RAPGEF1: variants seen among roughly 807,000 people sequenced by gnomAD.
RAPGEF1 encodes the protein CRK SH3-binding GNRP.
RAPGEF1 carries 33 observed loss-of-function variants against 143.3 expected under a neutral mutation model. That is an observed-to-expected ratio of 0.23 (90% CI 0.17 to 0.31). The LOEUF is 0.31. Among genes scored for constraint, RAPGEF1 ranks in the 10% least tolerant of loss-of-function variants. The pLI, the probability that RAPGEF1 is intolerant of heterozygous loss-of-function variation, is 1.00. For synonymous variants in RAPGEF1, 629 were observed against 676.5 expected (o/e 0.93, Z 1.09); for missense variants, 1,199 against 1,645.4 (o/e 0.73, Z 4.69).
At chr9:131,730,193 CAAAAAAAAAAA>C (rs57402366) in intron 1 of RAPGEF1, among the ~76,000 whole-genome samples, 1 of 67,000 alleles carries the variant, frequency 1.5e-5, no homozygotes, top group Non-Finnish European at 2.6e-5. Flanking sequence ...GACTCCCTCT[CAAAAAAAAAAA>C]AAAAAAAAAA....
chr9:131,674,354 A>T (rs1410601616), intron 1 of RAPGEF1, among the ~76,000 whole-genome samples: 1 of 152,210 alleles, frequency 6.6e-6, no homozygotes, highest in Non-Finnish European at 1.5e-5. Context: ...CAGTCTGAAA[A>T]TGCTGAAATA....
intron 3 of RAPGEF1, among the ~76,000 whole-genome samples, chr9:131,649,604 G>A (rs937867767): frequency 6.6e-6 from 1 of 152,116 alleles, no homozygotes; most frequent in East Asian, 1.9e-4. Context: ...ATGAAGACAA[G>A]TAAGAGGACA....
At chr9:131,615,096 G>C (rs1473388298) in intron 12 of RAPGEF1, among the ~76,000 whole-genome samples, 1 of 152,028 alleles carries the variant, frequency 6.6e-6, no homozygotes, top group Non-Finnish European at 1.5e-5. Flanking sequence ...TTTTTGAGAC[G>C]GAGTCTTGCT....
chr9:131,619,017 G>A (rs1170159797), intron 12 of RAPGEF1, 34 bp downstream of exon 12: 10 of 1,344,448 alleles, frequency 7.4e-6, no homozygotes, highest in African/African-American at 1.5e-5. Flanking sequence ...CTGTTCACGC[G>A]TTTCCAAGTA....
intron 1 of RAPGEF1, among the ~76,000 whole-genome samples, chr9:131,686,527 A>C (rs897876166): frequency 5.3e-5 from 8 of 152,316 alleles, no homozygotes; most frequent in African/African-American, 1.9e-4. Flanking sequence ...TTGGCCTGAA[A>C]TCAACACAAA....
chr9:131,585,373 G>A (rs913087625), intron 22 of RAPGEF1, among the ~76,000 whole-genome samples: 26 of 151,922 alleles, frequency 1.7e-4, no homozygotes, highest in Admixed American at 8.5e-4. Flanking sequence ...GGGGGGGGGC[G>A]TCTCTCTATG....
chr9:131,589,847 C>T (rs1400780262), intron 19 of RAPGEF1, 39 bp downstream of exon 19: 1 of 1,571,920 alleles, frequency 6.4e-7, no homozygotes, highest in South Asian at 1.1e-5. Flanking sequence ...GCCTTTGCCT[C>T]CCCACTGGCC....
intron 24 of RAPGEF1, 53 bp from the exon 25 acceptor site, chr9:131,582,755 A>T: frequency 1.4e-6 from 2 of 1,447,956 alleles, no homozygotes; most frequent in Non-Finnish European, 1.9e-6. Flanking sequence ...GTGCTGGGGC[A>T]ATGCTGGGGC....
chr9:131,672,044 T>C (rs891814663), intron 1 of RAPGEF1, among the ~76,000 whole-genome samples: 33 of 152,296 alleles, frequency 2.2e-4, no homozygotes, highest in Middle Eastern at 3.4e-3. Context: ...TAGGTGCTGC[T>C]GTAGGTTAGG....
chr9:131,709,591 C>G (rs777130499), intron 1 of RAPGEF1: 1 of 1,609,544 alleles, frequency 6.2e-7, no homozygotes, highest in Non-Finnish European at 8.5e-7. Context: ...CTTGCTTCTT[C>G]CTGGAAAGGA....
intron 1 of RAPGEF1, among the ~76,000 whole-genome samples, chr9:131,670,080 A>G (rs1831117638): frequency 6.6e-6 from 1 of 152,216 alleles, no homozygotes; most frequent in Non-Finnish European, 1.5e-5. Flanking sequence ...CACTGTCTTC[A>G]TGCCACAGAC....
At position 131,628,164 on chromosome 9, in the gene RAPGEF1, G is replaced by C; in HGVS notation, c.1018-68C>G. The C allele has an allele frequency of 7.4e-7, 1 of 1,354,210 alleles. No homozygotes were observed. The highest frequency in any genetic ancestry group is 1.5e-5 in the African/African-American group (1 of 68,046). 83.9% of individuals were successfully genotyped at this position (1,354,210 alleles called of 1,614,324 possible). A position where few individuals can be genotyped will look rare whatever the true frequency, so the allele number is the denominator to read the frequency against. On this transcript the variant is annotated intron_variant, in intron 8 of 26. Coordinates refer to ENST00000683357, the MANE Select transcript of RAPGEF1 (RefSeq NM_001377935.1). This position sits in a 1 kb window ranked among gnomAD's most constrained non-coding sequence, Gnocchi z 5.7. ...AACGGTGGCACAGACCAGGGGTGAG[G>C]CAACCGGTGCATTTACTTAGAGAAG...
At chr9:131,607,214 T>C (rs1311403620) in intron 12 of RAPGEF1, among the ~76,000 whole-genome samples, 2 of 152,318 alleles carry the variant, frequency 1.3e-5, no homozygotes, top group East Asian at 1.9e-4. Flanking sequence ...GTGTCATACA[T>C]GTGACCAGCA....
At chr9:131,673,379 G>A (rs1019969368) in intron 1 of RAPGEF1, among the ~76,000 whole-genome samples, 11 of 152,182 alleles carry the variant, frequency 7.2e-5, no homozygotes, top group Non-Finnish European at 1.2e-4. Flanking sequence ...GGCCTGCTAG[G>A]AGCAGGCCCA....
chr9:131,613,750 G>A (rs553856377), intron 12 of RAPGEF1, among the ~76,000 whole-genome samples: 69 of 152,278 alleles, frequency 4.5e-4, no homozygotes, highest in African/African-American at 1.6e-3. Context: ...AACAGCTGGA[G>A]ATCTGTGGAG....
chr9:131,666,604 C>G (rs940591347), intron 1 of RAPGEF1, among the ~76,000 whole-genome samples: 2 of 151,952 alleles, frequency 1.3e-5, no homozygotes, highest in East Asian at 1.9e-4. Context: ...AGGCTGGTCT[C>G]GAACTCCTGA....
chr9:131,592,932 A>G (rs1954591561), intron 17 of RAPGEF1, among the ~76,000 whole-genome samples: 1 of 152,144 alleles, frequency 6.6e-6, no homozygotes, highest in South Asian at 2.1e-4. Context: ...TAATACAGAC[A>G]AGGTTTCACC....
chr9:131,588,708 G>C, intron 20 of RAPGEF1, 93 bp downstream of exon 20: 2 of 1,339,102 alleles, frequency 1.5e-6, no homozygotes, highest in Non-Finnish European at 2.0e-6. Context: ...TGCAGAACCA[G>C]GATGGGGCTG....
intron 1 of RAPGEF1, among the ~76,000 whole-genome samples, chr9:131,733,153 A>T (rs1452279712): frequency 1.3e-5 from 2 of 151,992 alleles, no homozygotes; most frequent in Non-Finnish European, 2.9e-5. Context: ...AGCAGGAAGG[A>T]CTGCATTCAA....
Sources: allele counts gnomAD v4.1 joint callset (sites outside exome capture counted in the v4.1 genomes callset), GRCh38; gene constraint gnomAD v4.1.1; non-coding constraint Gnocchi (gnomAD v3.1); transcripts MANE v1.5; gene names NCBI Gene and HGNC (gene_info 2026-07-23, HGNC 2026-07-21).